DOK6: variants seen among roughly 807,000 people sequenced by gnomAD.
DOK6 encodes downstream of tyrosine kinase 6.
A neutral mutation model predicts 44.0 loss-of-function variants in DOK6; 22 were observed. That is an observed-to-expected ratio of 0.50 (90% CI 0.36 to 0.71). The LOEUF (loss-of-function observed/expected upper bound fraction) is 0.71, where lower values mean the gene tolerates loss of function less well. Among genes scored for constraint, DOK6 ranks in the 30% least tolerant of loss-of-function variants. The pLI is 0.00. For missense variants in DOK6, 340 were observed against 416.4 expected (o/e 0.82, Z 1.60); for synonymous variants, 166 against 145.5 (o/e 1.14, Z -1.01).
intron 4 of DOK6, among the ~76,000 whole-genome samples, chr18:69,680,592 T>G (rs1461803722): frequency 6.6e-6 from 1 of 152,232 alleles, no homozygotes; most frequent in African/African-American, 2.4e-5. Flanking sequence ...AATAATCTAG[T>G]GTGTATACAC....
chr18:69,538,923 T>G (rs1459563008), intron 1 of DOK6, among the ~76,000 whole-genome samples: 1 of 152,152 alleles, frequency 6.6e-6, no homozygotes, highest in Non-Finnish European at 1.5e-5. Flanking sequence ...TCTCAGTTGC[T>G]CTCTGTTTCT....
chr18:69,552,765 G>A (rs531410844), intron 1 of DOK6, among the ~76,000 whole-genome samples: 1 of 152,324 alleles, frequency 6.6e-6, no homozygotes, highest in South Asian at 2.1e-4. Context: ...TTCACTGCTT[G>A]ACACTAAGCA....
chr18:69,484,774 G>A (rs982046646), intron 1 of DOK6, among the ~76,000 whole-genome samples: 5 of 152,130 alleles, frequency 3.3e-5, no homozygotes, highest in Non-Finnish European at 7.3e-5. Context: ...GTGCACCACA[G>A]CCTTCTCCTG....
At chr18:69,575,907 A>G (rs958960587) in intron 2 of DOK6, among the ~76,000 whole-genome samples, 1 of 152,090 alleles carries the variant, frequency 6.6e-6, no homozygotes, top group African/African-American at 2.4e-5. Flanking sequence ...AGATGGTGTT[A>G]TTTTGTCCAA....
intron 5 of DOK6, among the ~76,000 whole-genome samples, chr18:69,735,880 G>A (rs1978589188): frequency 6.6e-6 from 1 of 152,246 alleles, no homozygotes; most frequent in African/African-American, 2.4e-5. Context: ...TGCAGGGTTT[G>A]AATAACCAAC....
At chr18:69,588,939 G>A (rs1399785292) in intron 2 of DOK6, among the ~76,000 whole-genome samples, 1 of 152,074 alleles carries the variant, frequency 6.6e-6, no homozygotes, top group Admixed American at 6.6e-5. Flanking sequence ...TGAGCCATGG[G>A]AGAATTGTGT....
chr18:69,591,563 A>C (rs73455873), intron 2 of DOK6, among the ~76,000 whole-genome samples: 2,540 of 152,006 alleles, frequency 0.017, 75 homozygotes, highest in African/African-American at 0.058. Context: ...CAACTTCTCA[A>C]AACTGGACTT....
At chr18:69,678,506 A>G (rs1238514494) in intron 4 of DOK6, among the ~76,000 whole-genome samples, 1 of 152,208 alleles carries the variant, frequency 6.6e-6, no homozygotes, top group Non-Finnish European at 1.5e-5. Context: ...TTATCAGGTT[A>G]TCGGTAGCTT....
chr18:69,708,437 T>TA (rs1986683682), intron 5 of DOK6, among the ~76,000 whole-genome samples: 1 of 152,104 alleles, frequency 6.6e-6, no homozygotes, highest in South Asian at 2.1e-4. Flanking sequence ...GAGAACCTGA[T>TA]AAAAATATAC....
intron 6 of DOK6, among the ~76,000 whole-genome samples, chr18:69,753,561 C>G (rs1257792816): frequency 6.6e-6 from 1 of 152,172 alleles, no homozygotes; most frequent in Non-Finnish European, 1.5e-5. Context: ...ATTCATTGCT[C>G]ATATCCTAGA....
intron 1 of DOK6, among the ~76,000 whole-genome samples, chr18:69,487,841 T>C (rs1568273851): frequency 6.6e-6 from 1 of 152,142 alleles, no homozygotes; most frequent in East Asian, 1.9e-4. Flanking sequence ...TGCTTCCCAC[T>C]CATCTGGGTT....
Position 69,495,887 on chromosome 18 carries a change from C to T in DOK6, c.67-68600C>T, listed in dbSNP as rs1245194741. Among the ~76,000 whole-genome samples, 11 of 152,340 alleles carry T rather than the reference C, an allele frequency of 7.2e-5. No individual in the cohort carries two copies. The South Asian group carries it at 1.0e-3, about 14-fold the overall frequency. ...GTGTGTCAGCACTGCCCCAAGTGTG[C>T]GCACACCCAGCCAGACTGGGACAGC... is the stretch of plus-strand genomic sequence containing the variant. On this transcript the variant is annotated intron_variant, in intron 1 of 7. Coordinates refer to ENST00000382713, the MANE Select transcript of DOK6 (RefSeq NM_152721.6).
In DOK6 at chr18:69,657,740, A is replaced by C. The variant is rs146085456; in HGVS notation, c.290-19994A>C. 6.2e-3 allele frequency among the ~76,000 whole-genome samples: 947 copies of C among 152,330 alleles called. 10 individuals carry two copies. Among genetic ancestry groups the C allele is most frequent in the African/African-American group, 0.021 (887 of 41,576 alleles). On this transcript the variant is annotated intron_variant, in intron 3 of 7. Transcript: ENST00000382713. ...GGAAAACTGGCCCAACACAAGAAGG[A>C]AATAGTAAATTCGTGAACTTGATAG...
intron 5 of DOK6, among the ~76,000 whole-genome samples, chr18:69,737,697 T>C (rs1256637293): frequency 6.6e-6 from 1 of 152,188 alleles, no homozygotes; most frequent in South Asian, 2.1e-4. Flanking sequence ...AAGTTTACAG[T>C]AGTTTTTACT....
intron 7 of DOK6, among the ~76,000 whole-genome samples, chr18:69,798,576 G>C (rs955546610): frequency 2.0e-5 from 3 of 151,886 alleles, no homozygotes; most frequent in African/African-American, 7.2e-5. Context: ...TTGTGCATTA[G>C]ATCATGTTTT....
intron 6 of DOK6, among the ~76,000 whole-genome samples, chr18:69,744,494 A>G (rs553575219): frequency 6.6e-6 from 1 of 152,246 alleles, no homozygotes; most frequent in South Asian, 2.1e-4. Flanking sequence ...CGATGAAACA[A>G]CACAAGCTGA....
intron 5 of DOK6, among the ~76,000 whole-genome samples, chr18:69,716,432 A>G (rs1474719345): frequency 1.3e-5 from 2 of 152,228 alleles, no homozygotes; most frequent in African/African-American, 2.4e-5. Context: ...ATGTTCTAAT[A>G]CGAGTGTTTC....
At chr18:69,809,596 A>AC (rs1568132491) in intron 7 of DOK6, among the ~76,000 whole-genome samples, 2 of 141,290 alleles carry the variant, frequency 1.4e-5, no homozygotes, top group African/African-American at 5.1e-5. Context: ...ACACACACAC[A>AC]AAAGAAAGAA....
intron 1 of DOK6, among the ~76,000 whole-genome samples, chr18:69,558,995 A>G (rs1051748078): frequency 7.9e-5 from 12 of 152,214 alleles, no homozygotes; most frequent in Admixed American, 7.9e-4. Context: ...GAAAAAAAAT[A>G]ATAACTTAAG....
Sources: gnomAD v4.1 joint callset for allele counts (sites outside exome capture counted in the v4.1 genomes callset) on GRCh38, gnomAD v4.1.1 for gene constraint, MANE v1.5 for transcripts, NCBI Gene and HGNC (gene_info 2026-07-23, HGNC 2026-07-21) for gene names.